The following ZNF385D variants were observed in gnomAD, a reference collection of about 807,000 sequenced individuals.
ZNF385D encodes the protein zinc finger protein 385D.
Under a neutral mutation model 35.8 loss-of-function variants are expected in ZNF385D, and 15 were observed. The ratio of observed to expected loss-of-function variants is 0.42; its 90% CI spans 0.28 to 0.64. The LOEUF (loss-of-function observed/expected upper bound fraction) is 0.64, where lower values mean the gene tolerates loss of function less well. ZNF385D is among the 30% of genes least tolerant of loss of function. ZNF385D has a pLI of 0.23. For synonymous variants in ZNF385D, 212 were observed against 186.8 expected, an observed-to-expected ratio of 1.13 and a Z score of -1.10; for missense variants, 474 against 494.6, an observed-to-expected ratio of 0.96 and a Z score of 0.39.
intron 3 of ZNF385D, among the ~76,000 whole-genome samples, chr3:21,766,670 GATAA>G (rs1462061302): frequency 1.3e-5 from 2 of 152,056 alleles, no homozygotes; most frequent in African/African-American, 4.8e-5. Context: ...GGAGAATAGA[GATAA>G]ATAAGGAAGG....
At chr3:21,705,008 G>T (rs1188763374) in intron 1 of ZNF385D, among the ~76,000 whole-genome samples, 1 of 152,100 alleles carries the variant, frequency 6.6e-6, no homozygotes, top group Non-Finnish European at 1.5e-5. Context: ...ATCTGTAAGG[G>T]GCAGTTGGGA....
At chr3:22,159,666 A>G (rs1049768469) in intron 3 of ZNF385D, among the ~76,000 whole-genome samples, 2 of 152,146 alleles carry the variant, frequency 1.3e-5, no homozygotes, top group Non-Finnish European at 2.9e-5. Context: ...AACAAAAGCC[A>G]GAAACATGAT....
chr3:22,369,424 C>G (rs1171489376), intron 2 of ZNF385D, among the ~76,000 whole-genome samples: 1 of 152,090 alleles, frequency 6.6e-6, no homozygotes, highest in East Asian at 1.9e-4. Flanking sequence ...TTTTAATACT[C>G]TTCTAAGGTT....
chr3:21,622,224 A>C (rs1426486796), intron 2 of ZNF385D, among the ~76,000 whole-genome samples: 1 of 152,172 alleles, frequency 6.6e-6, no homozygotes, highest in African/African-American at 2.4e-5. Context: ...GTCATTGAAA[A>C]ATAAAACTTC....
intron 3 of ZNF385D, among the ~76,000 whole-genome samples, chr3:21,983,000 T>C (rs1306019208): frequency 1.3e-5 from 2 of 152,102 alleles, no homozygotes; most frequent in African/African-American, 2.4e-5. Flanking sequence ...GCGAGTATTT[T>C]GCTGAAGATT....
At chr3:22,308,435 T>C (rs1343029163) in intron 2 of ZNF385D, among the ~76,000 whole-genome samples, 1 of 152,030 alleles carries the variant, frequency 6.6e-6, no homozygotes, top group Non-Finnish European at 1.5e-5. Flanking sequence ...AAACCTGCCT[T>C]TTTTTTCTTT....
At chr3:21,835,310 G>A (rs887826708) in intron 3 of ZNF385D, among the ~76,000 whole-genome samples, 9 of 151,710 alleles carry the variant, frequency 5.9e-5, no homozygotes, top group African/African-American at 2.2e-4. Context: ...GTACCAAATA[G>A]GTACTATGCA....
rs1359707554 is a variant in ZNF385D, at chr3:21,826,798, G to C, written c.326-161770C>G. Among the ~76,000 whole-genome samples, 3 of 145,058 alleles carry C rather than the reference G, an allele frequency of 2.1e-5. No homozygotes were observed. The Admixed American group carries it at 2.1e-4, about 10-fold the overall frequency. On this transcript the variant is annotated intron_variant, in intron 3 of 5. Coordinates refer to the ZNF385D transcript ENST00000494108. ...TCACATAAACAGAGAAAACATTGGA[G>C]GGTTGATAAAGAATCAGAAAATTAA...
intron 2 of ZNF385D, among the ~76,000 whole-genome samples, chr3:21,649,537 T>C (rs1448661536): frequency 6.6e-6 from 1 of 151,972 alleles, no homozygotes; most frequent in Non-Finnish European, 1.5e-5. Flanking sequence ...TTTATAAGAG[T>C]TTGTTTTCAT....
At chr3:22,318,613 A>G (rs17011204) in intron 2 of ZNF385D, among the ~76,000 whole-genome samples, 10,081 of 152,206 alleles carry the variant, frequency 0.066, 927 homozygotes, top group African/African-American at 0.21. Context: ...TTTTTCAGCA[A>G]TATTTTGGAA....
intron 3 of ZNF385D, among the ~76,000 whole-genome samples, chr3:21,763,689 A>G (rs777743282): frequency 1.3e-5 from 2 of 152,164 alleles, no homozygotes; most frequent in Non-Finnish European, 2.9e-5. Flanking sequence ...TACTCTCTGG[A>G]GGAAAAAACA....
At chr3:21,472,479 C>T (rs1703966713) in intron 4 of ZNF385D, among the ~76,000 whole-genome samples, 1 of 152,116 alleles carries the variant, frequency 6.6e-6, no homozygotes, top group Admixed American at 6.6e-5. Flanking sequence ...AATCACTTAT[C>T]CCTGAGCCCA....
At position 21,718,537 on chromosome 3, in the gene ZNF385D, C is replaced by T. The variant is rs73822025; in HGVS notation, c.22+32358G>A. Among the ~76,000 whole-genome samples, 865 of 152,302 alleles carry T rather than the reference C, an allele frequency of 5.7e-3. 11 individuals are homozygous for T. Among genetic ancestry groups the T allele is most frequent in the African/African-American group, 0.02 (833 of 41,562 alleles). ...TACACATATTATCTTATTTAATCCT[C>T]TCAAAAATCCTACAAGGCAGGTGCC... On this transcript the variant is annotated intron_variant, in intron 1 of 7. Transcript: ENST00000281523.
In ZNF385D at chr3:22,148,708, T is replaced by C. The variant is rs570227904; in HGVS notation, c.325+20109A>G. Among the ~76,000 whole-genome samples the C allele has an allele frequency of 1.4e-4, 21 of 152,324 alleles. No individual in the cohort carries two copies. In the South Asian group the frequency reaches 4.1e-3, roughly 30 times the overall value. ...GGTCGTAATTAGTATGGCTTATCAA[T>C]TGGATCTGTCCTACCTTTTATAGGG... On this transcript the variant is annotated intron_variant, in intron 3 of 5. Transcript: ENST00000494108.
chr3:21,863,546 A>G (rs1018408678), intron 3 of ZNF385D, among the ~76,000 whole-genome samples: 2 of 152,166 alleles, frequency 1.3e-5, no homozygotes, highest in Non-Finnish European at 2.9e-5. Context: ...GAAAGGTTTT[A>G]AACCTATGTT....
intron 3 of ZNF385D, among the ~76,000 whole-genome samples, chr3:22,080,813 G>A (rs997068773): frequency 2.6e-5 from 4 of 151,974 alleles, no homozygotes; most frequent in Non-Finnish European, 5.9e-5. Context: ...TTATAAATGG[G>A]ACCCCAGAGA....
chr3:21,816,861 A>G (rs1325720885), intron 3 of ZNF385D, among the ~76,000 whole-genome samples: 1 of 152,216 alleles, frequency 6.6e-6, no homozygotes, highest in African/African-American at 2.4e-5. Context: ...AGCAAAAAAG[A>G]GCCTCCATTG....
At chr3:22,172,642 C>A (rs1274426789) in intron 2 of ZNF385D, among the ~76,000 whole-genome samples, 1 of 152,010 alleles carries the variant, frequency 6.6e-6, no homozygotes, top group Non-Finnish European at 1.5e-5. Context: ...AATTAAGAAT[C>A]AAAAGTTGTA....
intron 3 of ZNF385D, among the ~76,000 whole-genome samples, chr3:22,068,584 G>A (rs1700080914): frequency 6.6e-6 from 1 of 152,090 alleles, no homozygotes; most frequent in Admixed American, 6.6e-5. Flanking sequence ...GCTTCCTACA[G>A]GTTCAACATG....
Sources: allele counts gnomAD v4.1 joint callset (sites outside exome capture counted in the v4.1 genomes callset), GRCh38; gene constraint gnomAD v4.1.1; transcripts MANE v1.5; gene names NCBI Gene and HGNC (gene_info 2026-07-23, HGNC 2026-07-21).